Variants in AFF1 observed in about 807,000 individuals in gnomAD.
AFF1 encodes the protein AF4/FMR2 family member 1.
Under a neutral mutation model 121.7 loss-of-function variants are expected in AFF1, and 48 were observed. The ratio of observed to expected loss-of-function variants is 0.39; its 90% CI spans 0.31 to 0.50. The LOEUF (loss-of-function observed/expected upper bound fraction) is 0.50, where lower values mean the gene tolerates loss of function less well. Ranked by LOEUF, AFF1 falls within the 20% of genes least tolerant of loss-of-function variation. The pLI is 0.76. For synonymous variants in AFF1, 613 were observed against 563.0 expected (o/e 1.09, Z -1.26); for missense variants, 1,523 against 1,511.7 (o/e 1.01, Z -0.12).
chr4:86,985,214 T>TATATATATATATATATA (rs1277485096), intron 2 of AFF1, among the ~76,000 whole-genome samples: 1 of 104,560 alleles, frequency 9.6e-6, no homozygotes, highest in African/African-American at 3.3e-5. Flanking sequence ...TATATATATA[T>TATATATATATATATATA]AAAATTATAT....
chr4:87,115,032 A>G lies in AFF1; in HGVS notation c.2199A>G (p.Gln733=). 6.2e-7 allele frequency: 1 copy of G among 1,614,126 alleles called. No individual in the cohort carries two copies. Among genetic ancestry groups the G allele is most frequent in the Non-Finnish European group, 8.5e-7 (1 of 1,180,012 alleles). Residue 733 remains glutamine (Q), a synonymous_variant, in exon 12 of 21, where the codon CAA becomes CAG. Coordinates refer to ENST00000395146, the MANE Select transcript of AFF1 (RefSeq NM_001166693.3). The part of the protein sequence containing the change: ...GSGSRTSGCR[Q]AVVVQEDSRK... Reference sequence around the variant, plus strand: ...GCAGCAGGACTAGTGGCTGCCGCCAAGCCGTGGTGGTCCAGGAGGACAGCC... The same window carrying G: ...GCAGCAGGACTAGTGGCTGCCGCCAGGCCGTGGTGGTCCAGGAGGACAGCC...
At chr4:87,060,490 A>G (rs1024026217) in intron 4 of AFF1, among the ~76,000 whole-genome samples, 3 of 152,174 alleles carry the variant, frequency 2.0e-5, no homozygotes, top group Admixed American at 1.3e-4. Flanking sequence ...CCAAATGGGT[A>G]GGGCATACAC....
At chr4:86,985,495 G>A (rs932769163) in intron 2 of AFF1, among the ~76,000 whole-genome samples, 5 of 143,392 alleles carry the variant, frequency 3.5e-5, no homozygotes, top group Non-Finnish European at 6.1e-5. Flanking sequence ...CGACAACAGC[G>A]AGACACTGTC....
At chr4:87,049,848 T>A in intron 4 of AFF1, 1 of 430,402 alleles carries the variant, frequency 2.3e-6, no homozygotes, top group East Asian at 7.2e-5. Flanking sequence ...GCCAAGAGCA[T>A]GGAATGAAGG....
intron 2 of AFF1, among the ~76,000 whole-genome samples, chr4:86,958,647 G>A (rs1172319632): frequency 1.3e-5 from 2 of 152,110 alleles, no homozygotes; most frequent in African/African-American, 4.8e-5. Flanking sequence ...CAACCCAGGA[G>A]GCAGAGGTTG....
In AFF1 at chr4:87,112,612, G is replaced by A. The variant is rs149053264; in HGVS notation, c.1534-1755G>A. ...CCTTTATGTCATAGCCACATATTTT[G>A]CATCATGGATTTCCATGTTTTATGG... On this transcript the variant is annotated intron_variant, in intron 11 of 20. Coordinates refer to ENST00000395146, the MANE Select transcript of AFF1 (RefSeq NM_001166693.3). 3.9e-4 allele frequency among the ~76,000 whole-genome samples: 59 copies of A among 152,210 alleles called. 1 individual carries two copies. In the Middle Eastern group the frequency reaches 0.01, roughly 27 times the overall value.
intron 2 of AFF1, among the ~76,000 whole-genome samples, chr4:87,005,664 T>G (rs1441307114): frequency 1.3e-5 from 2 of 152,232 alleles, no homozygotes; most frequent in African/African-American, 4.8e-5. Context: ...CCATTGTACT[T>G]AAGTGTGCAG....
intron 2 of AFF1, among the ~76,000 whole-genome samples, chr4:86,998,563 T>G (rs1001544647): frequency 2.6e-5 from 4 of 152,230 alleles, no homozygotes; most frequent in Non-Finnish European, 4.4e-5. Flanking sequence ...CATCAATCTT[T>G]TGAATACACA....
chr4:87,034,754 G>A (rs1264457534), intron 2 of AFF1, among the ~76,000 whole-genome samples: 1 of 152,036 alleles, frequency 6.6e-6, no homozygotes, highest in Non-Finnish European at 1.5e-5. Context: ...TGCCTTCTAG[G>A]TTTGATTCAT....
chr4:87,045,412 A>G (rs1184568862), intron 2 of AFF1, among the ~76,000 whole-genome samples: 1 of 150,198 alleles, frequency 6.7e-6, no homozygotes, highest in African/African-American at 2.5e-5. Context: ...AAACTGCACT[A>G]CTTTTGGTCT....
chr4:87,133,280 G>T (rs1010121314), intron 19 of AFF1, among the ~76,000 whole-genome samples: 6 of 152,152 alleles, frequency 3.9e-5, no homozygotes, highest in Non-Finnish European at 8.8e-5. Flanking sequence ...AAGTGAAGCT[G>T]GAATTTTCTT....
At chr4:86,976,789 G>GC (rs1723335921) in intron 2 of AFF1, among the ~76,000 whole-genome samples, 1 of 152,210 alleles carries the variant, frequency 6.6e-6, no homozygotes, top group African/African-American at 2.4e-5. Context: ...GGGCTCTGGA[G>GC]CCAGAACTGG....
chr4:87,085,280 C>T (rs1252740488), intron 5 of AFF1, among the ~76,000 whole-genome samples: 1 of 151,996 alleles, frequency 6.6e-6, no homozygotes, highest in Admixed American at 6.6e-5. Context: ...CTTTAATTTC[C>T]AGGAAACCCA....
At chr4:87,022,758 AATATC>A (rs771594074) in intron 2 of AFF1, among the ~76,000 whole-genome samples, 19 of 149,300 alleles carry the variant, frequency 1.3e-4, no homozygotes, top group East Asian at 3.9e-4. Flanking sequence ...ATATATATAT[AATATC>A]ATGTGTGTGT....
At chr4:87,110,768 T>C (rs1726416367) in intron 11 of AFF1, among the ~76,000 whole-genome samples, 1 of 152,154 alleles carries the variant, frequency 6.6e-6, no homozygotes, top group Non-Finnish European at 1.5e-5. Context: ...ATATACTAAC[T>C]TTTGCCAATT....
intron 2 of AFF1, among the ~76,000 whole-genome samples, chr4:87,019,620 T>G: frequency 6.6e-6 from 1 of 152,240 alleles, no homozygotes; most frequent in Non-Finnish European, 1.5e-5. Context: ...TCTGGATAGC[T>G]GAGCATGTGG....
chr4:86,938,358 G>A (rs1262468265), intron 1 of AFF1, among the ~76,000 whole-genome samples: 1 of 150,670 alleles, frequency 6.6e-6, no homozygotes, highest in African/African-American at 2.4e-5. Context: ...GCTAAGGCAG[G>A]AAAGTCGCTT....
chr4:87,085,895 C>T lies in AFF1; in HGVS notation c.1104+1731C>T, dbSNP rs556383481. On this transcript the variant is annotated intron_variant, in intron 5 of 20. Coordinates refer to ENST00000395146, the MANE Select transcript of AFF1 (RefSeq NM_001166693.3). ...CCGGGATTACAGGTGTGCGCCAGTA[C>T]GCCCTGCTAATTTTTGTATTTTTAG... is the stretch of plus-strand genomic sequence containing the variant. Among the ~76,000 whole-genome samples, 34 of 152,124 alleles carry T rather than the reference C, an allele frequency of 2.2e-4. No individual in the cohort carries two copies. The South Asian group carries it at 6.6e-3, about 30-fold the overall frequency.
chr4:86,964,002 G>C (rs1578858104), intron 2 of AFF1, among the ~76,000 whole-genome samples: 1 of 110,652 alleles, frequency 9.0e-6, no homozygotes, highest in East Asian at 3.1e-4. Flanking sequence ...TTTTTTTGTA[G>C]ACCTGGGATC....
Sources: gnomAD v4.1 joint callset for allele counts (sites outside exome capture counted in the v4.1 genomes callset) on GRCh38, gnomAD v4.1.1 for gene constraint, MANE v1.5 for transcripts, NCBI Gene and HGNC (gene_info 2026-07-23, HGNC 2026-07-21) for gene names.